The following DLG2 variants were observed in gnomAD, a reference collection of about 807,000 sequenced individuals.
DLG2 encodes disks large homolog 2.
A neutral mutation model predicts 132.5 loss-of-function variants in DLG2; 45 were observed. The ratio of observed to expected loss-of-function variants is 0.34; its 90% confidence interval spans 0.27 to 0.44. DLG2 has a LOEUF of 0.44. DLG2 is among the 20% of genes least tolerant of loss of function. The pLI, the probability that DLG2 is intolerant of heterozygous loss-of-function variation, is 1.00. For missense variants in DLG2, 1,045 were observed against 1,196.9 expected (o/e 0.87, Z 1.87); for synonymous variants, 424 against 419.6 (o/e 1.01, Z -0.13).
At chr11:84,233,031 T>C (rs1044657932) in intron 8 of DLG2, among the ~76,000 whole-genome samples, 9 of 152,156 alleles carry the variant, frequency 5.9e-5, no homozygotes, top group African/African-American at 1.9e-4. Flanking sequence ...CTTCACAACC[T>C]CAAAGCACCT....
intron 21 of DLG2, 126 bp downstream of exon 21, chr11:83,532,581 AT>A (rs1288320689): frequency 1.5e-5 from 11 of 739,576 alleles, no homozygotes; most frequent in Non-Finnish European, 2.6e-5. Context: ...TCAGCAATAT[AT>A]TTATAACAGT....
chr11:84,575,696 C>G (rs978137035), intron 6 of DLG2, among the ~76,000 whole-genome samples: 1 of 152,106 alleles, frequency 6.6e-6, no homozygotes, highest in Non-Finnish European at 1.5e-5. Flanking sequence ...TCCACTTATA[C>G]TCTTTTCATT....
chr11:84,595,921 CA>C (rs1234851262), intron 6 of DLG2, among the ~76,000 whole-genome samples: 4 of 152,110 alleles, frequency 2.6e-5, no homozygotes, highest in African/African-American at 7.2e-5. Context: ...AACTCTACAG[CA>C]TAGAGAAACC....
chr11:84,524,443 A>C (rs1394150514), intron 7 of DLG2, among the ~76,000 whole-genome samples: 5 of 152,216 alleles, frequency 3.3e-5, no homozygotes, highest in Non-Finnish European at 5.9e-5. Context: ...TTTTGTGCCT[A>C]CATTCAGAAT....
At chr11:85,494,093 C>T (rs575554823) in intron 3 of DLG2, among the ~76,000 whole-genome samples, 6 of 152,046 alleles carry the variant, frequency 3.9e-5, no homozygotes, top group Non-Finnish European at 5.9e-5. Context: ...GGATACTAAT[C>T]CCACTTGTGA....
chr11:85,282,631 T>A (rs1346186086), intron 4 of DLG2, among the ~76,000 whole-genome samples: 1 of 151,878 alleles, frequency 6.6e-6, no homozygotes, highest in East Asian at 1.9e-4. Flanking sequence ...TCCACAAAAA[T>A]AGAAAAATTG....
chr11:84,471,716 GT>G (rs1036157122), intron 7 of DLG2, among the ~76,000 whole-genome samples: 1 of 151,566 alleles, frequency 6.6e-6, no homozygotes, highest in African/African-American at 2.4e-5. Flanking sequence ...TTGGAAATTG[GT>G]TTCTTTTTGT....
chr11:85,191,237 C>T (rs986142406), intron 4 of DLG2, among the ~76,000 whole-genome samples: 1 of 147,358 alleles, frequency 6.8e-6, no homozygotes, highest in Admixed American at 6.7e-5. Context: ...AGAACAACAA[C>T]AAAATGGCGT....
At chr11:84,307,671 G>A (rs930294282) in intron 7 of DLG2, among the ~76,000 whole-genome samples, 22 of 135,358 alleles carry the variant, frequency 1.6e-4, no homozygotes, top group African/African-American at 5.9e-4. Flanking sequence ...AGTCCGGCCT[G>A]GGTGAAAGAG....
chr11:84,390,947 G>C (rs2098790560), intron 7 of DLG2, among the ~76,000 whole-genome samples: 1 of 152,150 alleles, frequency 6.6e-6, no homozygotes, highest in Non-Finnish European at 1.5e-5. Context: ...GGCAGGTGGA[G>C]AGAATGTTGG....
intron 6 of DLG2, among the ~76,000 whole-genome samples, chr11:84,805,989 A>G (rs1212212695): frequency 6.6e-6 from 1 of 152,350 alleles, no homozygotes; most frequent in African/African-American, 2.4e-5. Context: ...TAAAAATAAA[A>G]GGTATGCAAA....
chr11:84,467,139 G>A (rs2099096684), intron 7 of DLG2, among the ~76,000 whole-genome samples: 1 of 151,250 alleles, frequency 6.6e-6, no homozygotes, highest in Admixed American at 6.6e-5. Flanking sequence ...TTGTGAAATG[G>A]CTGACTCTGT....
chr11:85,482,522 T>G (rs1177225505), intron 3 of DLG2, among the ~76,000 whole-genome samples: 2 of 152,054 alleles, frequency 1.3e-5, no homozygotes, highest in Non-Finnish European at 2.9e-5. Flanking sequence ...TACTACTCAA[T>G]CTGGTTCCTT....
chr11:83,737,850 G>A (rs1411547094), intron 18 of DLG2, among the ~76,000 whole-genome samples: 1 of 152,128 alleles, frequency 6.6e-6, no homozygotes, highest in African/African-American at 2.4e-5. Context: ...TAGTTGAACT[G>A]GTTCCTGAGG....
chr11:85,392,203 T>C (rs1299118798), intron 3 of DLG2, among the ~76,000 whole-genome samples: 1 of 151,462 alleles, frequency 6.6e-6, no homozygotes, highest in East Asian at 1.9e-4. Flanking sequence ...GCAAAGAAAA[T>C]AAAATACTTA....
intron 3 of DLG2, among the ~76,000 whole-genome samples, chr11:85,456,543 C>G (rs1403260162): frequency 6.6e-6 from 1 of 151,994 alleles, no homozygotes; most frequent in Non-Finnish European, 1.5e-5. Flanking sequence ...TCTCTAGTTT[C>G]TCAAGGTGTG....
At chr11:85,354,987 TA>T (rs1351864528) in intron 3 of DLG2, among the ~76,000 whole-genome samples, 1 of 152,200 alleles carries the variant, frequency 6.6e-6, no homozygotes, top group African/African-American at 2.4e-5. Context: ...TTTTTAGTTT[TA>T]AAAATTTGTG....
chr11:84,824,805 A>G (rs1381596948), intron 6 of DLG2, among the ~76,000 whole-genome samples: 1 of 151,854 alleles, frequency 6.6e-6, no homozygotes, highest in Non-Finnish European at 1.5e-5. Flanking sequence ...CTCAGAGCTA[A>G]CAATTACCAG....
chr11:83,835,665 G>A (rs1045849945), intron 16 of DLG2, among the ~76,000 whole-genome samples: 1 of 152,164 alleles, frequency 6.6e-6, no homozygotes, highest in South Asian at 2.1e-4. Flanking sequence ...CACAAATCTA[G>A]CAGGTTAAAA....
Sources: allele counts gnomAD v4.1 joint callset (sites outside exome capture counted in the v4.1 genomes callset), GRCh38; gene constraint gnomAD v4.1.1; transcripts MANE v1.5; gene names NCBI Gene and HGNC (gene_info 2026-07-23, HGNC 2026-07-21).